Variants in LOC128092252 observed in about 807,000 individuals in gnomAD.
chr15:50,657,270 G>A, the LOC128092252 span, among the ~76,000 whole-genome samples: 1 of 152,168 alleles, frequency 6.6e-6, no homozygotes, highest in Non-Finnish European at 1.5e-5. Context: ...GTTGCAGTGA[G>A]CCGAGATTGT....
the LOC128092252 span, among the ~76,000 whole-genome samples, chr15:50,675,411 A>G: frequency 6.6e-6 from 1 of 152,194 alleles, no homozygotes; most frequent in Non-Finnish European, 1.5e-5. Context: ...TATTTCAAAA[A>G]CTTACTACCT....
the LOC128092252 span, among the ~76,000 whole-genome samples, chr15:50,681,264 T>TACACACACACACACAC: frequency 0.03 from 4,459 of 146,946 alleles, 110 homozygotes; most frequent in African/African-American, 0.057. Context: ...AATAAATAAA[T>TACACACACACACACAC]ACACACACAC....
chr15:50,681,262 A>C, the LOC128092252 span, among the ~76,000 whole-genome samples: 6 of 53,610 alleles, frequency 1.1e-4, no homozygotes, highest in South Asian at 1.4e-3. Context: ...AAAATAAATA[A>C]ATACACACAC....
At chr15:50,680,152 T>A in the LOC128092252 span, among the ~76,000 whole-genome samples, 2 of 152,024 alleles carry the variant, frequency 1.3e-5, no homozygotes, top group Non-Finnish European at 2.9e-5. Context: ...GAGAATCACT[T>A]GAACCCGGGA....
At chr15:50,663,466 C>T in the LOC128092252 span, among the ~76,000 whole-genome samples, 1 of 152,056 alleles carries the variant, frequency 6.6e-6, no homozygotes, top group African/African-American at 2.4e-5. Context: ...ATTTACTTTT[C>T]ACTACATACC....
chr15:50,676,658 G>A, the LOC128092252 span, among the ~76,000 whole-genome samples: 1 of 152,000 alleles, frequency 6.6e-6, no homozygotes, highest in Non-Finnish European at 1.5e-5. Flanking sequence ...TTAGAATAAA[G>A]GAATGGTATT....
the LOC128092252 span, among the ~76,000 whole-genome samples, chr15:50,673,808 G>C: frequency 6.6e-6 from 1 of 152,134 alleles, no homozygotes; most frequent in African/African-American, 2.4e-5. Flanking sequence ...TGGGACTGCT[G>C]TATCAAATGG....
At chr15:50,660,236 G>C in the LOC128092252 span, among the ~76,000 whole-genome samples, 9 of 151,964 alleles carry the variant, frequency 5.9e-5, no homozygotes, top group Non-Finnish European at 1.0e-4. Flanking sequence ...CTATTTTAAT[G>C]ATCCAAAAAG....
the LOC128092252 span, among the ~76,000 whole-genome samples, chr15:50,655,346 T>C: frequency 6.7e-6 from 1 of 150,332 alleles, no homozygotes; most frequent in African/African-American, 2.4e-5. Context: ...GGCAGGAGAA[T>C]TGCTTGAACC....
chr15:50,677,629 C>T, the LOC128092252 span, among the ~76,000 whole-genome samples: 1 of 150,708 alleles, frequency 6.6e-6, no homozygotes, highest in Non-Finnish European at 1.5e-5. Flanking sequence ...ATCCCGGCTA[C>T]TCAGGAGGCT....
the LOC128092252 span, among the ~76,000 whole-genome samples, chr15:50,674,515 T>C: frequency 6.7e-6 from 1 of 148,222 alleles, no homozygotes; most frequent in African/African-American, 2.7e-5. Context: ...TTGTTGCTAT[T>C]ATTATTTTTA....
chr15:50,668,248 A>C, the LOC128092252 span, among the ~76,000 whole-genome samples: 9 of 152,216 alleles, frequency 5.9e-5, no homozygotes, highest in Admixed American at 2.0e-4. Flanking sequence ...GGAGGGCTGG[A>C]ATGTTCACGT....
the LOC128092252 span, among the ~76,000 whole-genome samples, chr15:50,673,819 TA>T: frequency 6.6e-6 from 1 of 152,220 alleles, no homozygotes; most frequent in African/African-American, 2.4e-5. Context: ...TATCAAATGG[TA>T]TCCTAAGGAA....
the LOC128092252 span, among the ~76,000 whole-genome samples, chr15:50,664,460 T>C: frequency 6.6e-6 from 1 of 151,030 alleles, no homozygotes; most frequent in Non-Finnish European, 1.5e-5. Flanking sequence ...AGAAGAAAAA[T>C]AGTGTCAGAA....
the LOC128092252 span, among the ~76,000 whole-genome samples, chr15:50,683,906 G>A: frequency 6.6e-6 from 1 of 151,898 alleles, no homozygotes; most frequent in African/African-American, 2.4e-5. Flanking sequence ...CTCTCACCCA[G>A]GCTGGAGTGA....
At chr15:50,652,264 C>T in the LOC128092252 span, among the ~76,000 whole-genome samples, 1 of 121,072 alleles carries the variant, frequency 8.3e-6, no homozygotes, top group Non-Finnish European at 1.6e-5. Flanking sequence ...ACCTGGGAGG[C>T]GGAGATTGCA....
At chr15:50,668,470 T>C in the LOC128092252 span, among the ~76,000 whole-genome samples, 5 of 152,184 alleles carry the variant, frequency 3.3e-5, no homozygotes, top group African/African-American at 4.8e-5. Context: ...TTGGAGACTA[T>C]TTATGAGTAC....
At chr15:50,672,889 ACT>A in the LOC128092252 span, among the ~76,000 whole-genome samples, 9 of 112,268 alleles carry the variant, frequency 8.0e-5, no homozygotes, top group Non-Finnish European at 1.5e-4. Flanking sequence ...ACAGAGTGAG[ACT>A]CTGTCTCAAA....
the LOC128092252 span, among the ~76,000 whole-genome samples, chr15:50,684,449 T>A: frequency 6.6e-6 from 1 of 152,024 alleles, no homozygotes; most frequent in African/African-American, 2.4e-5. Flanking sequence ...AAGACCACCC[T>A]GGCCAATATG....
Sources: allele counts gnomAD v4.1 joint callset (sites outside exome capture counted in the v4.1 genomes callset), GRCh38; gene constraint gnomAD v4.1.1; transcripts MANE v1.5.